GRID1: variants seen among roughly 807,000 people sequenced by gnomAD.
The protein encoded by GRID1 is glutamate receptor ionotropic, delta-1.
A neutral mutation model predicts 98.0 loss-of-function variants in GRID1; 28 were observed. The ratio of observed to expected loss-of-function variants is 0.29; its 90% CI spans 0.21 to 0.39. GRID1 has a LOEUF of 0.39. Among genes scored for constraint, GRID1 ranks in the 10% least tolerant of loss-of-function variants. GRID1 has a pLI of 1.00. For synonymous variants in GRID1, 553 were observed against 538.5 expected (o/e 1.03, Z -0.37); for missense variants, 1,111 against 1,340.5 (o/e 0.83, Z 2.67).
chr10:86,065,004 C>T (rs1843699011), intron 4 of GRID1, among the ~76,000 whole-genome samples: 1 of 152,240 alleles, frequency 6.6e-6, no homozygotes, highest in African/African-American at 2.4e-5. Flanking sequence ...GCTCATCCCA[C>T]ATTACCATGT....
intron 4 of GRID1, among the ~76,000 whole-genome samples, chr10:85,980,519 C>A (rs748553499): frequency 6.6e-6 from 1 of 152,210 alleles, no homozygotes; most frequent in Non-Finnish European, 1.5e-5. Context: ...TTCTGGTTCC[C>A]CAAGCTGGGG....
chr10:85,821,898 C>T (rs1294561675), intron 8 of GRID1, among the ~76,000 whole-genome samples: 2 of 152,250 alleles, frequency 1.3e-5, no homozygotes, highest in Admixed American at 1.3e-4. Flanking sequence ...CTACAACCAT[C>T]TGATCTTTGA....
At chr10:85,695,381 T>C (rs1841381857) in intron 12 of GRID1, among the ~76,000 whole-genome samples, 1 of 152,212 alleles carries the variant, frequency 6.6e-6, no homozygotes, top group African/African-American at 2.4e-5. Context: ...CTTTGGAACC[T>C]AGCTTTCCTG....
Position 85,766,730 on chromosome 10 carries a change from TTGTGTG to T in GRID1, c.1234-37122_1234-37117del, listed in dbSNP as rs35691322. On this transcript the variant is annotated intron_variant, in intron 8 of 15. Coordinates refer to ENST00000327946, the MANE Select transcript of GRID1 (RefSeq NM_017551.3). ...ATGGAACTGTGTGAAAGGCAGATGA[TTGTGTG>T]TGTGTGTGTGTGTGTGTGTGTGTGT... Among the ~76,000 whole-genome samples, 212 of 138,426 alleles carry T rather than the reference TTGTGTG, an allele frequency of 1.5e-3. 2 individuals are homozygous for T. Among genetic ancestry groups the T allele is most frequent in the Middle Eastern group, 7.4e-3 (2 of 272 alleles). The allele number at this position is 138,426 out of a possible 152,430, so 90.8% of individuals were successfully genotyped here.
intron 4 of GRID1, among the ~76,000 whole-genome samples, chr10:86,082,485 T>C (rs1254083076): frequency 1.3e-5 from 2 of 152,192 alleles, no homozygotes; most frequent in Non-Finnish European, 2.9e-5. Flanking sequence ...CCCTGCACCC[T>C]GTCCTCATCA....
In GRID1 at chr10:85,599,719, GT is replaced by G. The variant is rs1198027595; in HGVS notation, c.*2553del. On this transcript the variant is annotated 3_prime_UTR_variant, in exon 16 of 16. Transcript: ENST00000327946. ...CTGACACAGAAATCTGAGTTGGGAA[GT>G]TTTTTTTTTTCCTAGAGAACTTGCT... 44 of 133,518 alleles carry G rather than the reference GT, an allele frequency of 3.3e-4. No individual in the cohort carries two copies. Among genetic ancestry groups the G allele is most frequent in the African/African-American group, 5.1e-4 (18 of 35,254 alleles). 8.3% of individuals were successfully genotyped at this position (133,518 alleles called of 1,614,324 possible).
intron 12 of GRID1, among the ~76,000 whole-genome samples, chr10:85,707,593 C>G (rs1841534922): frequency 6.6e-6 from 1 of 152,178 alleles, no homozygotes; most frequent in Non-Finnish European, 1.5e-5. Context: ...TACCATTTGA[C>G]CCACCTATCC....
At chr10:86,224,184 A>C (rs1220225002) in intron 2 of GRID1, among the ~76,000 whole-genome samples, 1 of 144,546 alleles carries the variant, frequency 6.9e-6, no homozygotes, top group Non-Finnish European at 1.5e-5. Flanking sequence ...CACTCCCAGC[A>C]TACACAGATG....
chr10:85,697,348 C>A (rs566064700), intron 12 of GRID1, among the ~76,000 whole-genome samples: 1 of 151,884 alleles, frequency 6.6e-6, no homozygotes, highest in Non-Finnish European at 1.5e-5. Flanking sequence ...GAATTTGTTC[C>A]TTTTATTATT....
chr10:85,627,252 G>A (rs1484943375), intron 13 of GRID1, among the ~76,000 whole-genome samples: 1 of 152,226 alleles, frequency 6.6e-6, no homozygotes, highest in Non-Finnish European at 1.5e-5. Context: ...TGCCTGTGCA[G>A]ACAAGTTGTT....
At chr10:85,979,217 T>A (rs1481035801) in intron 4 of GRID1, among the ~76,000 whole-genome samples, 1 of 152,112 alleles carries the variant, frequency 6.6e-6, no homozygotes, top group Non-Finnish European at 1.5e-5. Flanking sequence ...CCAGTGCCCA[T>A]CAGCATCATC....
At chr10:86,264,083 A>T (rs1257442523) in intron 2 of GRID1, among the ~76,000 whole-genome samples, 1 of 151,962 alleles carries the variant, frequency 6.6e-6, no homozygotes, top group Non-Finnish European at 1.5e-5. Context: ...ATGTTCATTC[A>T]CCTCATTTTC....
At chr10:85,956,224 C>T (rs527322674) in intron 4 of GRID1, among the ~76,000 whole-genome samples, 2 of 152,292 alleles carry the variant, frequency 1.3e-5, no homozygotes, top group South Asian at 2.1e-4. Flanking sequence ...TGGTGTCAAA[C>T]GGTTTGCACC....
chr10:85,955,558 AT>A (rs1472063501), intron 4 of GRID1, among the ~76,000 whole-genome samples: 1 of 152,166 alleles, frequency 6.6e-6, no homozygotes, highest in Non-Finnish European at 1.5e-5. Flanking sequence ...GTACTATCCT[AT>A]TCAAAGATGT....
chr10:85,825,115 C>T (rs1459065775), intron 8 of GRID1, among the ~76,000 whole-genome samples: 1 of 152,172 alleles, frequency 6.6e-6, no homozygotes, highest in Non-Finnish European at 1.5e-5. Context: ...GAGAAATGCC[C>T]ATATTGTTTT....
intron 8 of GRID1, among the ~76,000 whole-genome samples, chr10:85,743,938 C>G (rs1841973980): frequency 6.6e-6 from 1 of 152,054 alleles, no homozygotes; most frequent in Non-Finnish European, 1.5e-5. Context: ...ATTCTGTTTT[C>G]AAGCAGAATT....
chr10:85,937,145 A>C (rs1021242692), intron 4 of GRID1, among the ~76,000 whole-genome samples: 3 of 152,212 alleles, frequency 2.0e-5, no homozygotes, highest in Non-Finnish European at 4.4e-5. Flanking sequence ...AGAAAATCCC[A>C]GTGTCCAGGC....
intron 2 of GRID1, among the ~76,000 whole-genome samples, chr10:86,234,639 G>A (rs1053201209): frequency 1.3e-5 from 2 of 152,240 alleles, no homozygotes; most frequent in African/African-American, 2.4e-5. Flanking sequence ...TGGTGTTGCG[G>A]TGTAAATCTT....
At chr10:86,061,452 A>G (rs1243995137) in intron 4 of GRID1, among the ~76,000 whole-genome samples, 1 of 152,082 alleles carries the variant, frequency 6.6e-6, no homozygotes, top group East Asian at 1.9e-4. Flanking sequence ...TCAGCTTCAA[A>G]ATAGCAGCCC....
Sources: allele counts gnomAD v4.1 joint callset (sites outside exome capture counted in the v4.1 genomes callset), GRCh38; gene constraint gnomAD v4.1.1; transcripts MANE v1.5; gene names NCBI Gene and HGNC (gene_info 2026-07-23, HGNC 2026-07-21).